MLPH: variants seen among roughly 807,000 people sequenced by gnomAD.
MLPH encodes melanophilin.
A neutral mutation model predicts 72.1 loss-of-function variants in MLPH; 51 were observed. The ratio of observed to expected loss-of-function variants is 0.71; its 90% CI spans 0.56 to 0.89. The LOEUF is 0.89. Among genes scored for constraint, MLPH ranks in the 40% least tolerant of loss-of-function variants. The pLI, the probability that MLPH is intolerant of heterozygous loss-of-function variation, is 0.00. For missense variants in MLPH, 743 were observed against 759.9 expected (o/e 0.98, Z 0.26); for synonymous variants, 301 against 310.1 (o/e 0.97, Z 0.31).
chr2:237,550,721 G>C (rs536220066), intron 14 of MLPH, among the ~76,000 whole-genome samples: 1 of 152,050 alleles, frequency 6.6e-6, no homozygotes, highest in Non-Finnish European at 1.5e-5. Flanking sequence ...GGCTAATTTT[G>C]TATCTTTAGT....
chr2:237,511,396 G>A (rs1422298629), intron 4 of MLPH: 3 of 398,694 alleles, frequency 7.5e-6, no homozygotes, highest in Non-Finnish European at 1.4e-5. Context: ...ATAAGTGTGA[G>A]CCACTGTGCC....
At chr2:237,535,833 G>A (rs544807172) in intron 9 of MLPH, among the ~76,000 whole-genome samples, 1 of 152,226 alleles carries the variant, frequency 6.6e-6, no homozygotes, top group South Asian at 2.1e-4. Flanking sequence ...AATTCACTAG[G>A]TTACAGCTTA....
chr2:237,496,890 A>AAAG (rs2079547227), intron 2 of MLPH, among the ~76,000 whole-genome samples: 1 of 152,270 alleles, frequency 6.6e-6, no homozygotes, highest in Non-Finnish European at 1.5e-5. Flanking sequence ...GATGGGTCTT[A>AAAG]CTATGAGAGT....
At chr2:237,494,896 T>C (rs896341952) in intron 2 of MLPH, among the ~76,000 whole-genome samples, 1 of 152,214 alleles carries the variant, frequency 6.6e-6, no homozygotes, top group Non-Finnish European at 1.5e-5. Context: ...ATGTGACTTG[T>C]ACAGTACAGA....
intron 8 of MLPH, among the ~76,000 whole-genome samples, chr2:237,530,401 A>G (rs1574879816): frequency 1.3e-5 from 2 of 152,358 alleles, no homozygotes; most frequent in East Asian, 3.9e-4. Context: ...GAATTTCAAA[A>G]AGAGACTTCC....
At chr2:237,526,899 C>T (rs1358139730) in intron 7 of MLPH, among the ~76,000 whole-genome samples, 1 of 152,192 alleles carries the variant, frequency 6.6e-6, no homozygotes, top group African/African-American at 2.4e-5. Context: ...TAGAACAAAT[C>T]GCTTAACCTC....
chr2:237,529,077 C>G (rs571685335), intron 8 of MLPH, among the ~76,000 whole-genome samples: 1 of 152,122 alleles, frequency 6.6e-6, no homozygotes, highest in African/African-American at 2.4e-5. Flanking sequence ...GAGTGTTGCT[C>G]TGTTACCCAG....
intron 14 of MLPH, among the ~76,000 whole-genome samples, chr2:237,550,057 G>A (rs981221779): frequency 2.6e-5 from 4 of 152,078 alleles, no homozygotes; most frequent in African/African-American, 4.8e-5. Flanking sequence ...TACTACACCC[G>A]CCCAAGGATG....
In MLPH at chr2:237,534,687, G is replaced by T. The variant is rs752451430; in HGVS notation, c.1104+40G>T. Reference sequence around the variant, plus strand: ...TGGGCAAAGAGAAAGGGCCCCCACAGCTCCTTAGTTAAAGGAGGCTGAAGT... The same window carrying T: ...TGGGCAAAGAGAAAGGGCCCCCACATCTCCTTAGTTAAAGGAGGCTGAAGT... On this transcript the variant is annotated intron_variant, in intron 9 of 15. Transcript: ENST00000264605. 5 of 1,507,220 alleles carry T rather than the reference G, an allele frequency of 3.3e-6. No individual in the cohort carries two copies. In the Admixed American group the frequency reaches 6.7e-5, roughly 20 times the overall value. 93.4% of individuals were successfully genotyped at this position (1,507,220 alleles called of 1,614,324 possible). A position where few individuals can be genotyped will look rare whatever the true frequency, so the allele number is the denominator to read the frequency against.
In MLPH at chr2:237,511,050, T is replaced by C; in HGVS notation, c.394T>C (p.Phe132Leu). The C allele has an allele frequency of 6.2e-7, 1 of 1,613,904 alleles. No individual in the cohort carries two copies. Among genetic ancestry groups the C allele is most frequent in the South Asian group, 1.1e-5 (1 of 91,074 alleles). The change falls in exon 4 of 16, where the codon TTC (phenylalanine) becomes CTC (leucine). Residue 132 changes from phenylalanine to leucine, a missense_variant. Phe to Leu is a conservative substitution (Grantham distance 22). Transcript: ENST00000264605. ...YEHVKARFKR[F>L]GSAKVIRSLH... ...GCATGTGAAAGCCCGCTTCAAGAGG[T>C]TCGGAAGTGCCAAGGTCATCCGGTC...
At position 237,521,955 on chromosome 2, in the gene MLPH, G is replaced by A. The variant is rs112524457; in HGVS notation, c.675+1926G>A. Among the ~76,000 whole-genome samples, 614 of 67,998 alleles carry A rather than the reference G, an allele frequency of 9.0e-3. 1 individual carries two copies. The highest frequency in any genetic ancestry group is 0.013 in the Middle Eastern group (2 of 160). The allele number at this position is 67,998 out of a possible 152,430, so 44.6% of individuals were successfully genotyped here. A position where few individuals can be genotyped will look rare whatever the true frequency, so the allele number is the denominator to read the frequency against. On this transcript the variant is annotated intron_variant, in intron 6 of 15. Transcript: ENST00000264605. Reference sequence around the variant, plus strand: ...GGAGCAGGGCTGAGACTGGGGTTGGGCCTTCAAACACCTGCTACAACTATA... The same window carrying A: ...GGAGCAGGGCTGAGACTGGGGTTGGACCTTCAAACACCTGCTACAACTATA...
chr2:237,494,968 GT>G (rs996419873), intron 2 of MLPH, among the ~76,000 whole-genome samples: 20 of 152,194 alleles, frequency 1.3e-4, no homozygotes, highest in African/African-American at 4.6e-4. Flanking sequence ...CTAAAATCAA[GT>G]TGTCCTCAGA....
chr2:237,550,584 C>G (rs1039701520), intron 14 of MLPH, among the ~76,000 whole-genome samples: 5 of 152,166 alleles, frequency 3.3e-5, no homozygotes, highest in African/African-American at 9.7e-5. Context: ...GGGTCTCACT[C>G]TGTCGCCCAG....
Position 237,489,815 on chromosome 2 carries a change from A to G in MLPH, c.-25+2378A>G, listed in dbSNP as rs1213973348. Reference sequence around the variant, plus strand: ...GGAACCCCCACCCTGATTTCCCTTCAATTTGGCCAAAAAATTAATTCAACT... The same window carrying G: ...GGAACCCCCACCCTGATTTCCCTTCGATTTGGCCAAAAAATTAATTCAACT... On this transcript the variant is annotated intron_variant, in intron 1 of 15. Transcript: ENST00000264605. Among the ~76,000 whole-genome samples the G allele has an allele frequency of 2.0e-5, 3 of 152,084 alleles. No individual in the cohort carries two copies. In the East Asian group the frequency reaches 5.8e-4, roughly 29 times the overall value.
chr2:237,530,992 G>A (rs1160313973), intron 8 of MLPH, among the ~76,000 whole-genome samples: 1 of 152,218 alleles, frequency 6.6e-6, no homozygotes, highest in Non-Finnish European at 1.5e-5. Flanking sequence ...ATTACTCACA[G>A]TCAGGCAGCG....
intron 8 of MLPH, among the ~76,000 whole-genome samples, chr2:237,529,040 C>T (rs761314746): frequency 7.9e-5 from 12 of 152,018 alleles, no homozygotes; most frequent in South Asian, 2.1e-4. Context: ...GCTTAGCAGG[C>T]TGTATTATTA....
intron 2 of MLPH, among the ~76,000 whole-genome samples, chr2:237,499,187 G>A (rs939030728): frequency 4.6e-5 from 7 of 152,132 alleles, no homozygotes; most frequent in Middle Eastern, 3.4e-3. Flanking sequence ...CACTAGCCTC[G>A]CCCTGACACC....
At chr2:237,527,307 T>A (rs749842064) in intron 7 of MLPH, 70 bp from the exon 8 acceptor site, 1 of 1,589,802 alleles carries the variant, frequency 6.3e-7, no homozygotes, top group East Asian at 2.2e-5. Context: ...TTTTTCTTCA[T>A]TGGACTAAAC....
At chr2:237,519,551 G>A (rs1027163866) in intron 5 of MLPH, among the ~76,000 whole-genome samples, 8 of 152,170 alleles carry the variant, frequency 5.3e-5, no homozygotes, top group Non-Finnish European at 1.2e-4. Flanking sequence ...CCGGCTATCC[G>A]AAGCCCCAGG....
Sources: gnomAD v4.1 joint callset for allele counts (sites outside exome capture counted in the v4.1 genomes callset) on GRCh38, gnomAD v4.1.1 for gene constraint, MANE v1.5 for transcripts, NCBI Gene and HGNC (gene_info 2026-07-23, HGNC 2026-07-21) for gene names.